TXNDC12: variants seen among roughly 807,000 people sequenced by gnomAD.
TXNDC12 encodes the protein thioredoxin domain containing 12.
In TXNDC12, 22 loss-of-function variants were observed where a neutral mutation model predicts 24.2. That is an observed-to-expected ratio of 0.91 (90% CI 0.65 to 1.30). The LOEUF (loss-of-function observed/expected upper bound fraction) is 1.30. TXNDC12 is among the 50% of genes most tolerant of loss of function. The pLI is 0.00. For synonymous variants in TXNDC12, 58 were observed against 73.4 expected (o/e 0.79, Z 1.07); for missense variants, 184 against 205.8 (o/e 0.89, Z 0.65).
At chr1:52,024,412 G>T in intron 5 of TXNDC12, 98 bp downstream of exon 5, 1 of 905,884 alleles carries the variant, frequency 1.1e-6, no homozygotes, top group Non-Finnish European at 1.8e-6. Flanking sequence ...TTTGTTTGTG[G>T]TCATCCTGGT....
intron 1 of TXNDC12, among the ~76,000 whole-genome samples, chr1:52,048,098 A>G (rs1686129802): frequency 3.9e-5 from 6 of 152,212 alleles, no homozygotes; most frequent in Admixed American, 3.9e-4. Context: ...AGTGGACTAA[A>G]CTTGCCAATT....
chr1:52,023,390 TC>T (rs1412463094), intron 6 of TXNDC12, 100 bp downstream of exon 6: 4 of 914,908 alleles, frequency 4.4e-6, no homozygotes, highest in Non-Finnish European at 7.0e-6. Flanking sequence ...CAGGAGATGC[TC>T]AGCTAACATG....
chr1:52,053,923 C>A (rs955569061), intron 1 of TXNDC12, among the ~76,000 whole-genome samples: 3 of 152,134 alleles, frequency 2.0e-5, no homozygotes, highest in African/African-American at 7.2e-5. Context: ...CTAGTTGAAA[C>A]TGTCTTATTA....
chr1:52,045,428 G>A (rs994798633), intron 1 of TXNDC12, among the ~76,000 whole-genome samples: 9 of 152,130 alleles, frequency 5.9e-5, no homozygotes, highest in Non-Finnish European at 8.8e-5. Context: ...TCATTGCGGT[G>A]GGCCCTTATC....
At chr1:52,038,315 G>GT (rs34437108) in intron 2 of TXNDC12, among the ~76,000 whole-genome samples, 11,017 of 141,406 alleles carry the variant, frequency 0.078, 446 homozygotes, top group East Asian at 0.14. Context: ...CCTGTATCTT[G>GT]TTTTTTTTTT....
At chr1:52,039,087 T>TAAAAA (rs1685939409) in intron 2 of TXNDC12, among the ~76,000 whole-genome samples, 1 of 5,704 alleles carries the variant, frequency 1.8e-4, no homozygotes, top group East Asian at 5.1e-3. Flanking sequence ...AGACACCGTC[T>TAAAAA]CAAAAAAAAA....
chr1:52,054,966 G>C (rs767352832), intron 1 of TXNDC12, 34 bp downstream of exon 1: 18 of 1,481,840 alleles, frequency 1.2e-5, no homozygotes, highest in Admixed American at 8.4e-5. Context: ...GTATAGTAAA[G>C]ATCAGTAAAG....
chr1:52,033,915 A>G, intron 2 of TXNDC12: 3 of 1,431,250 alleles, frequency 2.1e-6, no homozygotes, highest in East Asian at 2.5e-5. Flanking sequence ...TACGCCAGCT[A>G]GGCCCAGGTT....
chr1:52,027,237 A>C lies in TXNDC12; in HGVS notation c.285+38T>G, dbSNP rs1169965620. The C allele has an allele frequency of 2.0e-6, 3 of 1,501,616 alleles. No individual in the cohort carries two copies. In the East Asian group the frequency reaches 6.8e-5, roughly 34 times the overall value. The allele number at this position is 1,501,616 out of a possible 1,614,324, so 93.0% of individuals were successfully genotyped here. ...GAATGATACTAACTTTAAAAGTCTT[A>C]AAATCATAGCAGAAAGGAGAAACTC... is the stretch of plus-strand genomic sequence containing the variant. On this transcript the variant is annotated intron_variant, in intron 4 of 6. Transcript: ENST00000371626.
At chr1:52,042,661 T>C (rs1054359417) in intron 1 of TXNDC12, among the ~76,000 whole-genome samples, 1 of 151,786 alleles carries the variant, frequency 6.6e-6, no homozygotes. Context: ...TTGCTCTTGT[T>C]GCCCAGGCTG....
chr1:52,038,751 T>C (rs1453343150), intron 2 of TXNDC12, among the ~76,000 whole-genome samples: 2 of 152,202 alleles, frequency 1.3e-5, no homozygotes, highest in African/African-American at 2.4e-5. Flanking sequence ...CAAATCATAT[T>C]AGAGTCAATA....
chr1:52,046,866 A>AAAATATATAT lies in TXNDC12; in HGVS notation c.98-5270_98-5269insATATATATTT, dbSNP rs1229275355. ...CCCCATCTCTACTAAAAAAAAAAAA[A>AAAATATATAT]ATATATATATATATATATATATATA... On this transcript the variant is annotated intron_variant, in intron 1 of 6. Coordinates refer to ENST00000371626, the MANE Select transcript of TXNDC12 (RefSeq NM_015913.4). Among the ~76,000 whole-genome samples, 267 of 30,072 alleles carry AAAATATATAT rather than the reference A, an allele frequency of 8.9e-3. 2 individuals carry two copies. Among genetic ancestry groups the AAAATATATAT allele is most frequent in the African/African-American group, 0.013 (237 of 18,566 alleles). The allele number at this position is 30,072 out of a possible 152,430, so 19.7% of individuals were successfully genotyped here. A position where few individuals can be genotyped will look rare whatever the true frequency, so the allele number is the denominator to read the frequency against.
At chr1:52,026,446 A>G (rs1437393613) in intron 4 of TXNDC12, among the ~76,000 whole-genome samples, 1 of 152,240 alleles carries the variant, frequency 6.6e-6, no homozygotes, top group Non-Finnish European at 1.5e-5. Flanking sequence ...TAAGGAAACA[A>G]GCAGGTTGCA....
intron 4 of TXNDC12, among the ~76,000 whole-genome samples, chr1:52,025,249 C>G (rs1429095686): frequency 6.6e-6 from 1 of 150,700 alleles, no homozygotes; most frequent in African/African-American, 2.4e-5. Context: ...GACGGAGTCT[C>G]GCTCTGTCGC....
chr1:52,031,132 C>A (rs1197496475), intron 2 of TXNDC12, among the ~76,000 whole-genome samples: 1 of 151,754 alleles, frequency 6.6e-6, no homozygotes, highest in Non-Finnish European at 1.5e-5. Flanking sequence ...TGTCATCATC[C>A]TCTGACCACC....
intron 2 of TXNDC12, among the ~76,000 whole-genome samples, chr1:52,034,751 CCTTTA>C (rs1685850746): frequency 6.6e-6 from 1 of 151,352 alleles, no homozygotes; most frequent in South Asian, 2.1e-4. Flanking sequence ...TGGCCTGCAT[CCTTTA>C]TTTTATTTTA....
intron 2 of TXNDC12, among the ~76,000 whole-genome samples, chr1:52,038,959 T>A (rs1685935879): frequency 1.3e-5 from 2 of 149,736 alleles, no homozygotes; most frequent in Admixed American, 6.7e-5. Context: ...TTTAAAAAAA[T>A]TTTTTTTTGT....
intron 1 of TXNDC12, chr1:52,050,965 G>T: frequency 5.9e-6 from 1 of 169,860 alleles, no homozygotes. Context: ...AGACTGGAAT[G>T]GTATGCTGGT....
chr1:52,037,842 T>C (rs1572005690), intron 2 of TXNDC12, among the ~76,000 whole-genome samples: 1 of 152,120 alleles, frequency 6.6e-6, no homozygotes, highest in East Asian at 1.9e-4. Context: ...CCTCCCAAAG[T>C]GCTGGGTTTT....
Sources: allele counts gnomAD v4.1 joint callset (sites outside exome capture counted in the v4.1 genomes callset), GRCh38; gene constraint gnomAD v4.1.1; transcripts MANE v1.5; gene names NCBI Gene and HGNC (gene_info 2026-07-23, HGNC 2026-07-21).